Variants in TAOK1 observed in about 807,000 individuals in gnomAD.
The protein encoded by TAOK1 is serine/threonine-protein kinase TAO1.
Under a neutral mutation model 138.3 loss-of-function variants are expected in TAOK1, and 21 were observed. The ratio of observed to expected loss-of-function variants is 0.15; its 90% confidence interval spans 0.11 to 0.22. The LOEUF (loss-of-function observed/expected upper bound fraction) is 0.22, where lower values mean the gene tolerates loss of function less well. Ranked by LOEUF, TAOK1 falls within the 10% of genes least tolerant of loss-of-function variation. The pLI is 1.00. For synonymous variants in TAOK1, 361 were observed against 398.4 expected, an observed-to-expected ratio of 0.91 and a Z score of 1.12; for missense variants, 651 against 1,227.7, an observed-to-expected ratio of 0.53 and a Z score of 7.02.
intron 1 of TAOK1, among the ~76,000 whole-genome samples, chr17:29,400,346 C>T (rs1013204737): frequency 4.9e-4 from 73 of 148,318 alleles, no homozygotes; most frequent in Admixed American, 3.8e-3. Context: ...GCCGAGATCG[C>T]GCCATTGCAC....
At chr17:29,523,427 G>A (rs1318167352) in intron 17 of TAOK1, among the ~76,000 whole-genome samples, 2 of 151,992 alleles carry the variant, frequency 1.3e-5, no homozygotes, top group Non-Finnish European at 2.9e-5. Flanking sequence ...TCGCTCTTTC[G>A]CCCAGGCTGG....
intron 1 of TAOK1, among the ~76,000 whole-genome samples, chr17:29,427,216 CTT>C (rs769675446): frequency 5.3e-5 from 8 of 152,172 alleles, no homozygotes; most frequent in Non-Finnish European, 8.8e-5. Flanking sequence ...ACCCTGAAAA[CTT>C]AACCTGGAGA....
intron 1 of TAOK1, among the ~76,000 whole-genome samples, chr17:29,406,078 C>T (rs1462764810): frequency 6.6e-6 from 1 of 151,912 alleles, no homozygotes; most frequent in East Asian, 1.9e-4. Flanking sequence ...GCAGGGTTTC[C>T]CAACCGTGGT....
chr17:29,506,561 A>G (rs2031632528), intron 13 of TAOK1, among the ~76,000 whole-genome samples: 1 of 152,216 alleles, frequency 6.6e-6, no homozygotes, highest in South Asian at 2.1e-4. Flanking sequence ...TAGCCAGGTG[A>G]CTATAGTCAA....
chr17:29,413,886 T>TA (rs1905204170), intron 1 of TAOK1, among the ~76,000 whole-genome samples: 1 of 143,556 alleles, frequency 7.0e-6, no homozygotes, highest in Admixed American at 6.9e-5. Context: ...GGCTTCTTTT[T>TA]TTTTTTTTTT....
intron 13 of TAOK1, 94 bp from the exon 14 acceptor site, chr17:29,507,802 A>C (rs770061990): frequency 4.4e-6 from 5 of 1,126,912 alleles, no homozygotes; most frequent in Non-Finnish European, 6.2e-6. Flanking sequence ...ATTTTACACT[A>C]ATTCCCTACT....
At chr17:29,470,347 G>A (rs1268599904) in intron 3 of TAOK1, among the ~76,000 whole-genome samples, 1 of 152,010 alleles carries the variant, frequency 6.6e-6, no homozygotes, top group Non-Finnish European at 1.5e-5. Context: ...TGTACTGCTT[G>A]GTTTTTTTCT....
At chr17:29,478,394 A>G (rs2153026648) in intron 6 of TAOK1, 47 bp downstream of exon 6, 4 of 1,295,024 alleles carry the variant, frequency 3.1e-6, no homozygotes, top group Non-Finnish European at 4.2e-6. Flanking sequence ...GGCTTGTTGC[A>G]TATACCAACT....
chr17:29,459,480 T>C (rs2030480336), intron 2 of TAOK1, among the ~76,000 whole-genome samples: 1 of 151,988 alleles, frequency 6.6e-6, no homozygotes, highest in African/African-American at 2.4e-5. Flanking sequence ...AGAAACGGGA[T>C]TTCACCATGT....
Position 29,549,766 on chromosome 17 carries a change from C to G in TAOK1, c.*6744C>G, listed in dbSNP as rs964631654. 9.2e-5 allele frequency: 14 copies of G among 152,132 alleles called. No individual in the cohort carries two copies. Among genetic ancestry groups the G allele is most frequent in the African/African-American group, 3.4e-4 (14 of 41,426 alleles). The allele number at this position is 152,132 out of a possible 1,614,324, so 9.4% of individuals were successfully genotyped here. A position where few individuals can be genotyped will look rare whatever the true frequency, so the allele number is the denominator to read the frequency against. On this transcript the variant is annotated 3_prime_UTR_variant, in exon 20 of 20. Coordinates refer to ENST00000261716, the MANE Select transcript of TAOK1 (RefSeq NM_020791.4). ...ATAACTTACCAAGATGTTGGCTGTCCTGGTGTATTGCCAGACAGCTCTCTT... is the reference window on the plus strand; with the variant it reads ...ATAACTTACCAAGATGTTGGCTGTCGTGGTGTATTGCCAGACAGCTCTCTT...
chr17:29,538,033 A>G (rs760720253), intron 19 of TAOK1, among the ~76,000 whole-genome samples: 1 of 150,878 alleles, frequency 6.6e-6, no homozygotes, highest in Non-Finnish European at 1.5e-5. Context: ...AATCGCTTCA[A>G]CCTGGGAGGC....
intron 5 of TAOK1, among the ~76,000 whole-genome samples, chr17:29,478,039 A>G (rs2030983764): frequency 6.6e-6 from 1 of 152,160 alleles, no homozygotes; most frequent in South Asian, 2.1e-4. Flanking sequence ...TAATTATTTA[A>G]TATCGTTAGC....
chr17:29,488,580 AAT>A (rs1491566796), intron 8 of TAOK1, among the ~76,000 whole-genome samples: 57 of 131,600 alleles, frequency 4.3e-4, no homozygotes, highest in Middle Eastern at 3.6e-3. Flanking sequence ...CTCAAAAAAT[AAT>A]AATAATAATA....
intron 1 of TAOK1, among the ~76,000 whole-genome samples, chr17:29,449,660 G>A (rs894663425): frequency 6.6e-6 from 1 of 152,008 alleles, no homozygotes; most frequent in Non-Finnish European, 1.5e-5. Flanking sequence ...GGCCAACATG[G>A]TGAATCCCCA....
chr17:29,533,723 C>T (rs868212093), intron 18 of TAOK1, among the ~76,000 whole-genome samples: 167 of 145,248 alleles, frequency 1.1e-3, no homozygotes, highest in African/African-American at 4.3e-3. Flanking sequence ...CGCCTGCAAT[C>T]GCAGGCACTC....
intron 1 of TAOK1, among the ~76,000 whole-genome samples, chr17:29,446,737 C>CTT (rs34871616): frequency 1.7e-5 from 2 of 119,872 alleles, no homozygotes; most frequent in Admixed American, 8.4e-5. Context: ...TTTTACTGTA[C>CTT]TTTTTTTTTT....
intron 1 of TAOK1, among the ~76,000 whole-genome samples, chr17:29,414,452 G>A (rs1189711294): frequency 6.6e-6 from 1 of 151,768 alleles, no homozygotes; most frequent in Non-Finnish European, 1.5e-5. Context: ...GTTTCACCAT[G>A]TTGGCCGGGC....
chr17:29,520,005 C>T (rs2031886636), intron 16 of TAOK1, among the ~76,000 whole-genome samples: 1 of 152,012 alleles, frequency 6.6e-6, no homozygotes, highest in South Asian at 2.1e-4. Context: ...TGGTAAAACT[C>T]TATCTCCACT....
chr17:29,397,845 A>G (rs1360042559), intron 1 of TAOK1, among the ~76,000 whole-genome samples: 2 of 151,456 alleles, frequency 1.3e-5, no homozygotes, highest in Non-Finnish European at 2.9e-5. Flanking sequence ...GTGTATATAT[A>G]TATATGTATG....
Sources: allele counts gnomAD v4.1 joint callset (sites outside exome capture counted in the v4.1 genomes callset), GRCh38; gene constraint gnomAD v4.1.1; transcripts MANE v1.5; gene names NCBI Gene and HGNC (gene_info 2026-07-23, HGNC 2026-07-21).